The following PHACTR1 variants were observed in gnomAD, a reference collection of about 807,000 sequenced individuals.
PHACTR1 encodes the protein RPEL repeat containing 1.
In PHACTR1, 16 loss-of-function variants were observed where a neutral mutation model predicts 69.2. That is an observed-to-expected ratio of 0.23 (90% CI 0.16 to 0.35). PHACTR1 has a LOEUF of 0.35. Among genes scored for constraint, PHACTR1 ranks in the 10% least tolerant of loss-of-function variants. PHACTR1 has a pLI of 1.00. For missense variants in PHACTR1, 510 were observed against 734.7 expected (o/e 0.69, Z 3.54); for synonymous variants, 312 against 284.5 (o/e 1.10, Z -0.97).
intron 4 of PHACTR1, among the ~76,000 whole-genome samples, chr6:12,866,281 T>C (rs563831429): frequency 4.6e-5 from 7 of 152,290 alleles, no homozygotes; most frequent in Middle Eastern, 3.4e-3. Context: ...AGCAAACAGA[T>C]TGCATATATT....
At chr6:13,034,425 A>G (rs559560594) in intron 4 of PHACTR1, among the ~76,000 whole-genome samples, 1 of 152,306 alleles carries the variant, frequency 6.6e-6, no homozygotes, top group Non-Finnish European at 1.5e-5. Flanking sequence ...CCTTTTGTTA[A>G]AGTACTTAAT....
intron 4 of PHACTR1, among the ~76,000 whole-genome samples, chr6:12,916,321 C>A (rs1358879039): frequency 1.3e-5 from 2 of 152,194 alleles, no homozygotes; most frequent in Non-Finnish European, 2.9e-5. Flanking sequence ...AACCAACTCA[C>A]CGCCCTTGTG....
chr6:12,896,755 TTA>T (rs1190085863), intron 4 of PHACTR1, among the ~76,000 whole-genome samples: 2 of 152,328 alleles, frequency 1.3e-5, no homozygotes, highest in Admixed American at 6.5e-5. Flanking sequence ...TGACGGTTCG[TTA>T]TATGTATTTC....
intron 10 of PHACTR1, among the ~76,000 whole-genome samples, chr6:13,248,029 T>A (rs189354808): frequency 1.3e-5 from 2 of 152,340 alleles, no homozygotes; most frequent in African/African-American, 4.8e-5. Context: ...TACTCGGCAC[T>A]GCCTTTATAT....
rs144272102 is a variant in PHACTR1 at position 13,135,361 on chromosome 6, A to T, written c.416-24843A>T. Among the ~76,000 whole-genome samples, 34 of 152,312 alleles carry T rather than the reference A, an allele frequency of 2.2e-4. No individual in the cohort carries two copies. The East Asian group carries it at 6.2e-3, about 28-fold the overall frequency. On this transcript the variant is annotated intron_variant, in intron 5 of 14. Transcript: ENST00000332995. ...CATTCTGGGAGCCCTGTGCGTCCCCAGCTGCCCTGCGGAGTCGCTGTTAGA... is the reference window on the plus strand; with the variant it reads ...CATTCTGGGAGCCCTGTGCGTCCCCTGCTGCCCTGCGGAGTCGCTGTTAGA...
chr6:13,104,443 G>A (rs1454196105), intron 5 of PHACTR1, among the ~76,000 whole-genome samples: 1 of 152,144 alleles, frequency 6.6e-6, no homozygotes, highest in Non-Finnish European at 1.5e-5. Context: ...AAATATGACA[G>A]GGACCTTGCC....
At chr6:13,234,579 A>G (rs776196570) in intron 10 of PHACTR1, among the ~76,000 whole-genome samples, 1 of 152,190 alleles carries the variant, frequency 6.6e-6, no homozygotes, top group Non-Finnish European at 1.5e-5. Context: ...ATTGAGGGTG[A>G]GGAATGGGAA....
chr6:12,936,961 A>T (rs1487108746), intron 4 of PHACTR1, among the ~76,000 whole-genome samples: 2 of 152,198 alleles, frequency 1.3e-5, no homozygotes, highest in African/African-American at 4.8e-5. Context: ...GATGAGTCAC[A>T]TCAGAGCCAA....
intron 7 of PHACTR1, chr6:13,184,734 C>T (rs1474175438): frequency 3.9e-6 from 5 of 1,268,914 alleles, no homozygotes; most frequent in African/African-American, 1.5e-5. Flanking sequence ...CCTGTGTTCC[C>T]CGCTGGCCCC....
At chr6:13,251,769 A>AT (rs201308369) in intron 10 of PHACTR1, among the ~76,000 whole-genome samples, 47 of 140,170 alleles carry the variant, frequency 3.4e-4, no homozygotes, top group African/African-American at 1.3e-3. Context: ...TAGCTGAAGA[A>AT]TTAGTGAAAA....
intron 5 of PHACTR1, among the ~76,000 whole-genome samples, chr6:13,101,557 A>G (rs1815166615): frequency 6.6e-6 from 1 of 152,234 alleles, no homozygotes; most frequent in South Asian, 2.1e-4. Context: ...CCTGTGTTGT[A>G]AGAAATGAAA....
intron 5 of PHACTR1, among the ~76,000 whole-genome samples, chr6:13,148,529 A>C (rs933363298): frequency 6.6e-6 from 1 of 152,232 alleles, no homozygotes; most frequent in African/African-American, 2.4e-5. Flanking sequence ...AAAATTCATG[A>C]AGAATGCACT....
chr6:12,819,131 G>A (rs748787054), intron 4 of PHACTR1, among the ~76,000 whole-genome samples: 1 of 152,198 alleles, frequency 6.6e-6, no homozygotes, highest in Non-Finnish European at 1.5e-5. Context: ...CAACTGATTA[G>A]TGTGTCTCAT....
chr6:12,964,172 T>C (rs1263983505), intron 4 of PHACTR1, among the ~76,000 whole-genome samples: 1 of 152,248 alleles, frequency 6.6e-6, no homozygotes, highest in Non-Finnish European at 1.5e-5. Context: ...AAGCATTTAT[T>C]ATCTACTGTT....
intron 10 of PHACTR1, among the ~76,000 whole-genome samples, chr6:13,256,346 A>G (rs1265013195): frequency 6.6e-6 from 1 of 152,208 alleles, no homozygotes; most frequent in African/African-American, 2.4e-5. Flanking sequence ...AAGGTCTCTG[A>G]AGTGGCTTCC....
At chr6:12,799,909 C>T (rs1044926334) in intron 4 of PHACTR1, among the ~76,000 whole-genome samples, 4 of 152,170 alleles carry the variant, frequency 2.6e-5, no homozygotes, top group South Asian at 2.1e-4. Flanking sequence ...TTTGAACTAA[C>T]GCTATAGCAT....
At chr6:12,917,672 T>C (rs1002483147) in intron 4 of PHACTR1, among the ~76,000 whole-genome samples, 1 of 152,136 alleles carries the variant, frequency 6.6e-6, no homozygotes, top group Admixed American at 6.5e-5. Flanking sequence ...GGAGGTTTGC[T>C]TGAGCCCAGG....
At chr6:13,160,616 G>A (rs1485700427) in intron 6 of PHACTR1, among the ~76,000 whole-genome samples, 1 of 152,198 alleles carries the variant, frequency 6.6e-6, no homozygotes, top group African/African-American at 2.4e-5. Flanking sequence ...GCAGTCACCT[G>A]TTTAGGCCCT....
intron 10 of PHACTR1, among the ~76,000 whole-genome samples, chr6:13,250,650 G>GA (rs1774255813): frequency 6.6e-6 from 1 of 152,236 alleles, no homozygotes; most frequent in African/African-American, 2.4e-5. Flanking sequence ...GGCTTAGCTT[G>GA]AAAATAAATA....
Sources: gnomAD v4.1 joint callset for allele counts (sites outside exome capture counted in the v4.1 genomes callset) on GRCh38, gnomAD v4.1.1 for gene constraint, MANE v1.5 for transcripts, NCBI Gene and HGNC (gene_info 2026-07-23, HGNC 2026-07-21) for gene names.